Variants in FGF14 observed in about 807,000 individuals in gnomAD.
FGF14 encodes the protein fibroblast growth factor 14.
A neutral mutation model predicts 25.5 loss-of-function variants in FGF14; 5 were observed. The ratio of observed to expected loss-of-function variants is 0.20; its 90% confidence interval spans 0.10 to 0.41. The LOEUF (loss-of-function observed/expected upper bound fraction) is 0.41. Among genes scored for constraint, FGF14 ranks in the 10% least tolerant of loss-of-function variants. FGF14 has a pLI of 1.00. For missense variants in FGF14, 222 were observed against 320.1 expected, an observed-to-expected ratio of 0.69 and a Z score of 2.34; for synonymous variants, 138 against 118.3, an observed-to-expected ratio of 1.17 and a Z score of -1.08.
chr13:101,897,110 T>C (rs1027249106), intron 1 of FGF14, among the ~76,000 whole-genome samples: 6 of 152,180 alleles, frequency 3.9e-5, no homozygotes, highest in African/African-American at 1.4e-4. Flanking sequence ...TATTATTATG[T>C]GTACAGGAGA....
In FGF14 at chr13:101,714,097, C is replaced by A. The variant is rs2034603188; in HGVS notation, c.*8734G>T. 5.2e-6 allele frequency: 1 copy of A among 193,824 alleles called. No individual in the cohort carries two copies. Among genetic ancestry groups the A allele is most frequent in the Non-Finnish European group, 1.0e-5 (1 of 96,052 alleles). 12.0% of individuals were successfully genotyped at this position (193,824 alleles called of 1,614,324 possible). A position where few individuals can be genotyped will look rare whatever the true frequency, so the allele number is the denominator to read the frequency against. On this transcript the variant is annotated 3_prime_UTR_variant, in exon 5 of 5. Coordinates refer to ENST00000376143, the MANE Select transcript of FGF14 (RefSeq NM_004115.4). ...GAGCAGGCACTTTAAAAACATGATT[C>A]AATTTAGGAGGAAAAAATCTATTTT...
rs544825014 is a variant in FGF14, at chr13:101,983,776, T to C, written c.209-108480A>G. ...GTGCTGAGGCATTTCTGGGCAGCCA[T>C]AGACTACCTGAAAAATAAGATAAGG... On this transcript the variant is annotated intron_variant, in intron 1 of 4. Transcript: ENST00000376131. Among the ~76,000 whole-genome samples, 15 of 152,284 alleles carry C rather than the reference T, an allele frequency of 9.9e-5. No homozygotes were observed. The South Asian group carries it at 2.3e-3, about 23-fold the overall frequency.
intron 1 of FGF14, among the ~76,000 whole-genome samples, chr13:102,196,336 G>A (rs920821960): frequency 1.3e-5 from 2 of 152,128 alleles, no homozygotes; most frequent in African/African-American, 4.8e-5. Flanking sequence ...CAGAAGAGCT[G>A]ACAGAAGTAG....
intron 1 of FGF14, among the ~76,000 whole-genome samples, chr13:102,222,127 A>AAT (rs1404783018): frequency 5.9e-5 from 9 of 152,306 alleles, no homozygotes; most frequent in Admixed American, 2.0e-4. Context: ...CTGAACACAG[A>AAT]ATATAGCAAA....
intron 4 of FGF14, among the ~76,000 whole-genome samples, chr13:101,726,242 T>G (rs961416147): frequency 4.6e-5 from 7 of 151,946 alleles, no homozygotes; most frequent in African/African-American, 1.7e-4. Context: ...TCTAATATAC[T>G]TATTATCTTT....
chr13:102,289,925 CTCTT>C (rs1023337480), intron 1 of FGF14, among the ~76,000 whole-genome samples: 10 of 152,204 alleles, frequency 6.6e-5, no homozygotes, highest in East Asian at 3.9e-4. Flanking sequence ...CTTTCTCTCT[CTCTT>C]TCTTTCTAAG....
intron 1 of FGF14, among the ~76,000 whole-genome samples, chr13:101,925,786 T>A (rs1394870707): frequency 2.0e-5 from 3 of 152,222 alleles, no homozygotes; most frequent in African/African-American, 7.2e-5. Flanking sequence ...TACACATTTA[T>A]TCTCTTCCAG....
chr13:102,220,777 C>T (rs191375156), intron 1 of FGF14, among the ~76,000 whole-genome samples: 7 of 152,324 alleles, frequency 4.6e-5, no homozygotes, highest in South Asian at 4.1e-4. Context: ...ATTCGTGGCA[C>T]GCACACCTTC....
At chr13:102,365,310 G>A (rs1462031419) in intron 1 of FGF14, among the ~76,000 whole-genome samples, 1 of 152,086 alleles carries the variant, frequency 6.6e-6, no homozygotes, top group African/African-American at 2.4e-5. Flanking sequence ...ACAGCCAGTA[G>A]AGGAATCCAT....
At chr13:102,292,552 T>G (rs1313346864) in intron 1 of FGF14, 1 of 152,188 alleles carries the variant, frequency 6.6e-6, no homozygotes, top group African/African-American at 2.4e-5. Flanking sequence ...AAGTGCTTAA[T>G]AAGTATGAAT....
At chr13:101,843,656 G>A (rs561266254) in intron 3 of FGF14, among the ~76,000 whole-genome samples, 10 of 152,054 alleles carry the variant, frequency 6.6e-5, no homozygotes, top group South Asian at 4.2e-4. Flanking sequence ...CAAGGATTAC[G>A]TAACTAGATA....
At chr13:102,235,814 T>C (rs187108716) in intron 1 of FGF14, among the ~76,000 whole-genome samples, 3 of 152,288 alleles carry the variant, frequency 2.0e-5, no homozygotes, top group Admixed American at 2.0e-4. Context: ...TGAGACCTGC[T>C]GGGCTGCATT....
intron 4 of FGF14, 81 bp from the exon 5 acceptor site, chr13:101,723,048 C>A: frequency 2.0e-6 from 3 of 1,538,206 alleles, no homozygotes; most frequent in East Asian, 2.2e-5. Flanking sequence ...CCTGCATAGA[C>A]CACTGCAGTT....
At chr13:102,309,421 A>G (rs991033377) in intron 1 of FGF14, among the ~76,000 whole-genome samples, 3 of 152,170 alleles carry the variant, frequency 2.0e-5, no homozygotes, top group African/African-American at 7.2e-5. Context: ...GCCTGCACTA[A>G]CCAGCCCTGG....
chr13:102,183,862 G>A (rs1324308702), intron 1 of FGF14, among the ~76,000 whole-genome samples: 2 of 152,160 alleles, frequency 1.3e-5, no homozygotes, highest in Non-Finnish European at 2.9e-5. Context: ...GGGCTCAGAT[G>A]TAAAATAAGA....
intron 1 of FGF14, among the ~76,000 whole-genome samples, chr13:102,323,763 T>C (rs1378278549): frequency 6.6e-6 from 1 of 152,164 alleles, no homozygotes; most frequent in Non-Finnish European, 1.5e-5. Flanking sequence ...AACCTCCTAG[T>C]AGCAATAAAA....
At chr13:102,003,124 A>G in intron 1 of FGF14, 1 of 152,370 alleles carries the variant, frequency 6.6e-6, no homozygotes, top group East Asian at 1.9e-4. Context: ...ATTAAAATTT[A>G]TAATATTAAA....
chr13:102,347,923 C>T (rs2057160045), intron 1 of FGF14, among the ~76,000 whole-genome samples: 1 of 148,258 alleles, frequency 6.7e-6, no homozygotes. Flanking sequence ...CTATTTATAA[C>T]AAAAAATCTT....
chr13:102,161,620 A>C (rs1414290617), intron 1 of FGF14, among the ~76,000 whole-genome samples: 3 of 5,878 alleles, frequency 5.1e-4, no homozygotes, highest in East Asian at 0.027. Context: ...GAAGAAGAAG[A>C]AGAAGAAGAA....
Sources: allele counts gnomAD v4.1 joint callset (sites outside exome capture counted in the v4.1 genomes callset), GRCh38; gene constraint gnomAD v4.1.1; transcripts MANE v1.5; gene names NCBI Gene and HGNC (gene_info 2026-07-23, HGNC 2026-07-21).